Variants in ATF1 observed in about 807,000 individuals in gnomAD.
The protein encoded by ATF1 is cyclic AMP-dependent transcription factor ATF-1.
ATF1 carries 16 observed loss-of-function variants against 34.7 expected under a neutral mutation model. The observed-to-expected ratio is 0.46, with a 90% CI of 0.31 to 0.70. ATF1 has a LOEUF of 0.70. Among genes scored for constraint, ATF1 ranks in the 30% least tolerant of loss-of-function variants. ATF1 has a pLI of 0.05. For synonymous variants in ATF1, 105 were observed against 113.1 expected (o/e 0.93, Z 0.46); for missense variants, 255 against 321.6 (o/e 0.79, Z 1.58).
At chr12:50,805,702 TACAG>T (rs555841282) in intron 3 of ATF1, among the ~76,000 whole-genome samples, 13 of 152,304 alleles carry the variant, frequency 8.5e-5, no homozygotes, top group Admixed American at 6.5e-4. Flanking sequence ...GTGTGGTTCT[TACAG>T]ACATTTGCAG....
chr12:50,778,089 T>A (rs1395423664), intron 1 of ATF1, among the ~76,000 whole-genome samples: 2 of 151,960 alleles, frequency 1.3e-5, no homozygotes, highest in Non-Finnish European at 2.9e-5. Flanking sequence ...GCTAATTTTT[T>A]ATTTTTTGTA....
At chr12:50,815,588 C>T (rs1941827998) in intron 6 of ATF1, among the ~76,000 whole-genome samples, 1 of 151,542 alleles carries the variant, frequency 6.6e-6, no homozygotes, top group Non-Finnish European at 1.5e-5. Flanking sequence ...GGGGTTTTGC[C>T]ATGTTGCTTA....
intron 3 of ATF1, among the ~76,000 whole-genome samples, chr12:50,803,250 A>G (rs1017500601): frequency 3.7e-4 from 33 of 88,864 alleles, no homozygotes; most frequent in African/African-American, 9.2e-4. Flanking sequence ...CTTGGGTGAC[A>G]AGAGCGAAAC....
chr12:50,812,730 A>T (rs974060486), intron 4 of ATF1, among the ~76,000 whole-genome samples: 1 of 152,062 alleles, frequency 6.6e-6, no homozygotes, highest in Non-Finnish European at 1.5e-5. Context: ...AGGCTGAGGT[A>T]GGAGGATTGC....
intron 2 of ATF1, among the ~76,000 whole-genome samples, chr12:50,784,271 C>G (rs1941136017): frequency 6.6e-6 from 1 of 152,128 alleles, no homozygotes; most frequent in African/African-American, 2.4e-5. Context: ...ATCTTATATT[C>G]TAATTTTGGA....
chr12:50,815,416 C>A (rs1419334338), intron 6 of ATF1, among the ~76,000 whole-genome samples: 1 of 151,968 alleles, frequency 6.6e-6, no homozygotes, highest in Non-Finnish European at 1.5e-5. Flanking sequence ...GACAAGGTCT[C>A]ACTGTGTCAC....
chr12:50,790,361 A>T (rs1384710366), intron 2 of ATF1, among the ~76,000 whole-genome samples: 1 of 151,998 alleles, frequency 6.6e-6, no homozygotes, highest in East Asian at 1.9e-4. Context: ...TGCGCTGCCA[A>T]ACCTGGCTAA....
intron 2 of ATF1, among the ~76,000 whole-genome samples, chr12:50,788,693 ACACT>A (rs1027606290): frequency 3.3e-5 from 5 of 152,104 alleles, no homozygotes; most frequent in East Asian, 1.9e-4. Flanking sequence ...AACTCCAAAA[ACACT>A]CACGGCACTT....
Position 50,819,953 on chromosome 12 carries a change from T to C in ATF1, c.*174T>C. 1.9e-6 allele frequency: 1 copy of C among 525,182 alleles called. No homozygotes were observed. The highest frequency in any genetic ancestry group is 3.2e-6 in the Non-Finnish European group (1 of 311,184). The allele number at this position is 525,182 out of a possible 1,614,324, so 32.5% of individuals were successfully genotyped here. A position where few individuals can be genotyped will look rare whatever the true frequency, so the allele number is the denominator to read the frequency against. On this transcript the variant is annotated 3_prime_UTR_variant, in exon 7 of 7. Transcript: ENST00000262053. ...ACAGAGGAGAAAGTGGAAAATGACC[T>C]CAAGGAAGCTACGGGCACAACTGGA... is the stretch of plus-strand genomic sequence containing the variant.
chr12:50,794,185 C>T (rs987662956), intron 2 of ATF1, among the ~76,000 whole-genome samples: 3 of 151,828 alleles, frequency 2.0e-5, no homozygotes, highest in South Asian at 2.1e-4. Flanking sequence ...CTCCTGACCT[C>T]GTGATCCACC....
At chr12:50,763,913 C>G (rs1940554449), upstream of ATF1, among the ~76,000 whole-genome samples, 1 of 152,178 alleles carries the variant, frequency 6.6e-6, no homozygotes, top group African/African-American at 2.4e-5. Context: ...TCCGAGGAAC[C>G]CCTAGCCACA....
At chr12:50,816,101 G>A (rs766431807) in intron 6 of ATF1, among the ~76,000 whole-genome samples, 1 of 152,202 alleles carries the variant, frequency 6.6e-6, no homozygotes, top group Middle Eastern at 3.4e-3. Context: ...TTGGGAGGCC[G>A]AGGCGGGAGG....
intron 3 of ATF1, among the ~76,000 whole-genome samples, chr12:50,804,830 G>A (rs1175956203): frequency 7.1e-6 from 1 of 141,390 alleles, no homozygotes; most frequent in Non-Finnish European, 1.5e-5. Flanking sequence ...TTTTTTTCCC[G>A]AGACGGAGTC....
intron 6 of ATF1, among the ~76,000 whole-genome samples, chr12:50,816,514 C>A (rs1347871636): frequency 6.6e-6 from 1 of 152,134 alleles, no homozygotes; most frequent in Non-Finnish European, 1.5e-5. Context: ...CACCCTGAAT[C>A]CCCTGACTTG....
At chr12:50,802,576 A>G (rs1177149108) in intron 3 of ATF1, among the ~76,000 whole-genome samples, 1 of 152,102 alleles carries the variant, frequency 6.6e-6, no homozygotes, top group Non-Finnish European at 1.5e-5. Flanking sequence ...AAGAAATTTT[A>G]AAAGATCTAA....
chr12:50,767,716 G>T (rs1012857468), intron 1 of ATF1, among the ~76,000 whole-genome samples: 2 of 152,148 alleles, frequency 1.3e-5, no homozygotes, highest in African/African-American at 4.8e-5. Flanking sequence ...CACCTTCAGA[G>T]AACAGGAATT....
At chr12:50,766,141 C>T (rs559032919) in intron 1 of ATF1, among the ~76,000 whole-genome samples, 55 of 152,180 alleles carry the variant, frequency 3.6e-4, no homozygotes, top group Non-Finnish European at 6.0e-4. Flanking sequence ...CCAACGGCTA[C>T]CTTTGGGTAA....
At chr12:50,772,260 G>A (rs1301565832) in intron 1 of ATF1, among the ~76,000 whole-genome samples, 1 of 151,524 alleles carries the variant, frequency 6.6e-6, no homozygotes, top group Non-Finnish European at 1.5e-5. Context: ...TTACAGGAAT[G>A]AGCCATCGCA....
intron 1 of ATF1, among the ~76,000 whole-genome samples, chr12:50,778,191 T>A (rs1173254808): frequency 1.3e-5 from 2 of 150,622 alleles, no homozygotes; most frequent in South Asian, 2.1e-4. Context: ...GTTGAGATCA[T>A]GGGCGTGAGC....
Sources: allele counts gnomAD v4.1 joint callset (sites outside exome capture counted in the v4.1 genomes callset), GRCh38; gene constraint gnomAD v4.1.1; transcripts MANE v1.5; gene names NCBI Gene and HGNC (gene_info 2026-07-23, HGNC 2026-07-21).